The following ABCB1 variants were observed in gnomAD, a reference collection of about 807,000 sequenced individuals.
The protein encoded by ABCB1 is ATP binding cassette subfamily B member 1, also known as ATP-dependent translocase ABCB1.
Under a neutral mutation model 142.0 loss-of-function variants are expected in ABCB1, and 69 were observed. That is an observed-to-expected ratio of 0.49 (90% CI 0.40 to 0.59). The LOEUF is 0.59. ABCB1 is among the 20% of genes least tolerant of loss of function. ABCB1 has a pLI of 0.00. For synonymous variants in ABCB1, 532 were observed against 539.2 expected, an observed-to-expected ratio of 0.99 and a Z score of 0.18; for missense variants, 1,326 against 1,554.7, an observed-to-expected ratio of 0.85 and a Z score of 2.47.
chr7:87,703,885 CTTTTTTTTTTTTTTTTTTT>C, intron 1 of ABCB1, among the ~76,000 whole-genome samples: 1 of 60,282 alleles, frequency 1.7e-5, no homozygotes, highest in Non-Finnish European at 3.2e-5. Context: ...TCAGTTTTTT[CTTTTTTTTTTTTTTTTTTT>C]TTTTTTTTGG....
intron 21 of ABCB1, chr7:87,522,073 G>A (rs1030363274): frequency 8.7e-7 from 1 of 1,153,624 alleles, no homozygotes; most frequent in South Asian, 1.2e-5. Flanking sequence ...CTTTGGTGGT[G>A]GTCGTGGAGG....
intron 14 of ABCB1, among the ~76,000 whole-genome samples, chr7:87,547,352 A>G (rs1816827889): frequency 6.6e-6 from 1 of 152,226 alleles, no homozygotes; most frequent in Non-Finnish European, 1.5e-5. Flanking sequence ...TTTACACCCT[A>G]AAGTATTTTA....
At chr7:87,638,014 T>G (rs575013957) in intron 1 of ABCB1, among the ~76,000 whole-genome samples, 10 of 152,122 alleles carry the variant, frequency 6.6e-5, no homozygotes, top group African/African-American at 2.4e-4. Context: ...ATTTCTAAAT[T>G]GCTGAGAATT....
At chr7:87,614,575 C>A (rs1393290674) in intron 1 of ABCB1, among the ~76,000 whole-genome samples, 1 of 152,080 alleles carries the variant, frequency 6.6e-6, no homozygotes, top group Non-Finnish European at 1.5e-5. Flanking sequence ...CACAAAGCAT[C>A]AGATTAAATA....
At chr7:87,589,169 T>C (rs1818883501) in intron 3 of ABCB1, among the ~76,000 whole-genome samples, 1 of 152,126 alleles carries the variant, frequency 6.6e-6, no homozygotes. Flanking sequence ...ACTCTGTAGT[T>C]TATTAGGAAG....
chr7:87,551,487 T>C (rs1817064920), intron 9 of ABCB1, among the ~76,000 whole-genome samples: 1 of 152,192 alleles, frequency 6.6e-6, no homozygotes, highest in Non-Finnish European at 1.5e-5. Context: ...AAAAATAGCA[T>C]AAAATTTTTT....
At chr7:87,627,729 T>C (rs1820752202) in intron 1 of ABCB1, 1 of 152,234 alleles carries the variant, frequency 6.6e-6, no homozygotes, top group African/African-American at 2.4e-5. Context: ...TTCCTGGGCT[T>C]ACTATTCCCA....
At chr7:87,590,776 C>T (rs1175717521) in intron 3 of ABCB1, among the ~76,000 whole-genome samples, 1 of 152,186 alleles carries the variant, frequency 6.6e-6, no homozygotes, top group Non-Finnish European at 1.5e-5. Flanking sequence ...CTGGGTTTTA[C>T]ACTGAACTTC....
At chr7:87,619,246 A>G (rs1820133774) in intron 1 of ABCB1, among the ~76,000 whole-genome samples, 1 of 152,244 alleles carries the variant, frequency 6.6e-6, no homozygotes, top group African/African-American at 2.4e-5. Flanking sequence ...ACAATGAATG[A>G]AATGTAAGCT....
At chr7:87,570,460 T>C (rs992738402) in intron 4 of ABCB1, among the ~76,000 whole-genome samples, 3 of 152,162 alleles carry the variant, frequency 2.0e-5, no homozygotes, top group African/African-American at 7.2e-5. Context: ...AAACCCACAT[T>C]TGGTAAGAGG....
chr7:87,587,741 G>A (rs763431132), intron 3 of ABCB1, among the ~76,000 whole-genome samples: 10 of 152,148 alleles, frequency 6.6e-5, no homozygotes, highest in East Asian at 1.9e-4. Context: ...CGGATGTGGT[G>A]GCAGGCGCCT....
At chr7:87,605,340 A>G (rs544187307), upstream of ABCB1, among the ~76,000 whole-genome samples, 1 of 152,182 alleles carries the variant, frequency 6.6e-6, no homozygotes, top group East Asian at 1.9e-4. Context: ...CACCACATTG[A>G]CTAGGCTGAT....
rs761829302 is a variant in ABCB1 at position 87,595,758 on chromosome 7, A to G, written c.117+8T>C. 1.2e-5 allele frequency: 20 copies of G among 1,601,202 alleles called. No individual in the cohort carries two copies. The highest frequency in any genetic ancestry group is 9.0e-5 in the East Asian group (4 of 44,650). On this transcript the variant is annotated splice_region_variant and intron_variant, in intron 3 of 27. Coordinates refer to ENST00000622132, the MANE Select transcript of ABCB1 (RefSeq NM_001348946.2). ...GTATTTTGAATAGTTAATAAATTCA[A>G]AACTCACCATTGAAAATACACTGAC...
intron 23 of ABCB1, among the ~76,000 whole-genome samples, chr7:87,517,410 T>C (rs1815301565): frequency 6.6e-6 from 1 of 152,106 alleles, no homozygotes; most frequent in Non-Finnish European, 1.5e-5. Context: ...AAACCCAGGA[T>C]AGCCTGCTGG....
chr7:87,655,677 T>C (rs943877637), intron 1 of ABCB1, among the ~76,000 whole-genome samples: 1 of 152,168 alleles, frequency 6.6e-6, no homozygotes, highest in South Asian at 2.1e-4. Flanking sequence ...GTGTATTGGA[T>C]ATTTGAAAAT....
chr7:87,532,421 G>A (rs931516693), intron 20 of ABCB1, among the ~76,000 whole-genome samples: 8 of 152,208 alleles, frequency 5.3e-5, no homozygotes, highest in Non-Finnish European at 1.2e-4. Context: ...GATAAAACAA[G>A]CTGTGGTAAA....
At chr7:87,515,681 C>A (rs1018403747) in intron 24 of ABCB1, among the ~76,000 whole-genome samples, 1 of 152,062 alleles carries the variant, frequency 6.6e-6, no homozygotes, top group African/African-American at 2.4e-5. Flanking sequence ...ACCTCCACCC[C>A]CCAGGTTCAA....
intron 14 of ABCB1, among the ~76,000 whole-genome samples, chr7:87,546,756 A>C (rs1391949701): frequency 8.6e-5 from 13 of 152,008 alleles, no homozygotes; most frequent in Non-Finnish European, 1.3e-4. Context: ...CAGACAATAA[A>C]TGTGAGGCAG....
intron 4 of ABCB1, among the ~76,000 whole-genome samples, chr7:87,582,864 C>A (rs942874715): frequency 2.6e-5 from 4 of 151,822 alleles, no homozygotes; most frequent in Non-Finnish European, 2.9e-5. Flanking sequence ...TAGTTCACAC[C>A]CTGTACAAAA....
Sources: gnomAD v4.1 joint callset for allele counts (sites outside exome capture counted in the v4.1 genomes callset) on GRCh38, gnomAD v4.1.1 for gene constraint, MANE v1.5 for transcripts, NCBI Gene and HGNC (gene_info 2026-07-23, HGNC 2026-07-21) for gene names.